ATP9B: variants seen among roughly 807,000 people sequenced by gnomAD.
ATP9B encodes the protein probable phospholipid-transporting ATPase IIB.
ATP9B carries 110 observed loss-of-function variants against 146.1 expected under a neutral mutation model. The observed-to-expected ratio is 0.75, with a 90% confidence interval of 0.65 to 0.88. ATP9B has a LOEUF of 0.88. ATP9B is among the 40% of genes least tolerant of loss of function. ATP9B has a pLI of 0.00. For synonymous variants in ATP9B, 604 were observed against 569.7 expected (o/e 1.06, Z -0.86); for missense variants, 1,499 against 1,496.4 (o/e 1.00, Z -0.03).
intron 11 of ATP9B, among the ~76,000 whole-genome samples, chr18:79,231,819 G>A (rs2095796495): frequency 8.3e-6 from 1 of 120,456 alleles, no homozygotes; most frequent in South Asian, 2.5e-4. Context: ...CACACACCAT[G>A]GAATACTGCT....
At chr18:79,184,722 A>G (rs1029563756) in intron 8 of ATP9B, among the ~76,000 whole-genome samples, 19 of 152,078 alleles carry the variant, frequency 1.2e-4, no homozygotes, top group Non-Finnish European at 2.2e-4. Context: ...TACATACTCA[A>G]GTAATCTCTG....
intron 26 of ATP9B, among the ~76,000 whole-genome samples, chr18:79,368,024 G>A (rs953798343): frequency 2.0e-5 from 3 of 152,176 alleles, no homozygotes; most frequent in Admixed American, 6.5e-5. Flanking sequence ...TCTCTGCCAC[G>A]GTGCGTGTCT....
At chr18:79,159,137 T>C (rs918493006) in intron 7 of ATP9B, among the ~76,000 whole-genome samples, 3 of 152,234 alleles carry the variant, frequency 2.0e-5, no homozygotes. Flanking sequence ...TTTGTGTCTT[T>C]GAACACGAAG....
chr18:79,355,864 C>T (rs963192376), intron 25 of ATP9B, among the ~76,000 whole-genome samples: 7 of 152,176 alleles, frequency 4.6e-5, no homozygotes, highest in Non-Finnish European at 1.0e-4. Flanking sequence ...CCATTGAAAG[C>T]AGCCAGTGAG....
At chr18:79,083,637 G>A (rs1250297513) in intron 1 of ATP9B, among the ~76,000 whole-genome samples, 1 of 152,094 alleles carries the variant, frequency 6.6e-6, no homozygotes, top group Non-Finnish European at 1.5e-5. Flanking sequence ...CAGTCCCTCA[G>A]TGCTTCCCTT....
intron 12 of ATP9B, among the ~76,000 whole-genome samples, chr18:79,265,979 A>G (rs891612773): frequency 1.3e-5 from 2 of 152,212 alleles, no homozygotes; most frequent in Non-Finnish European, 2.9e-5. Context: ...TCTCAGCACC[A>G]TTTATTGAAT....
chr18:79,329,667 T>G (rs935181002), intron 16 of ATP9B, among the ~76,000 whole-genome samples: 3 of 152,244 alleles, frequency 2.0e-5, no homozygotes, highest in Non-Finnish European at 2.9e-5. Flanking sequence ...ACCTTAATTT[T>G]TTTAGCAAAC....
intron 13 of ATP9B, among the ~76,000 whole-genome samples, chr18:79,282,231 G>A (rs958333762): frequency 1.3e-5 from 2 of 152,234 alleles, no homozygotes; most frequent in Non-Finnish European, 2.9e-5. Context: ...TTGTTGAAGT[G>A]ACAACCAAGG....
chr18:79,301,872 T>A (rs775005429), intron 13 of ATP9B, among the ~76,000 whole-genome samples: 4 of 152,212 alleles, frequency 2.6e-5, no homozygotes, highest in Admixed American at 6.5e-5. Flanking sequence ...AAACAATCTC[T>A]AAAATAGTAA....
chr18:79,107,939 A>G (rs532870331), intron 2 of ATP9B, among the ~76,000 whole-genome samples: 1 of 152,258 alleles, frequency 6.6e-6, no homozygotes, highest in East Asian at 1.9e-4. Flanking sequence ...TTTCTTGTCT[A>G]TGTGATGTGG....
chr18:79,265,149 A>G (rs57928979), intron 12 of ATP9B, among the ~76,000 whole-genome samples: 1,869 of 152,220 alleles, frequency 0.012, 40 homozygotes, highest in African/African-American at 0.042. Context: ...TTTAGCTCCC[A>G]GTTTTAAGTG....
intron 1 of ATP9B, among the ~76,000 whole-genome samples, chr18:79,075,869 G>T (rs2072548948): frequency 6.6e-6 from 1 of 152,012 alleles, no homozygotes; most frequent in South Asian, 2.1e-4. Flanking sequence ...TACGGATTAT[G>T]CTTCAACATT....
At chr18:79,297,961 G>A (rs2096564954) in intron 13 of ATP9B, among the ~76,000 whole-genome samples, 1 of 146,762 alleles carries the variant, frequency 6.8e-6, no homozygotes, top group South Asian at 2.2e-4. Context: ...AAGGATTAGA[G>A]GGGAACATCC....
chr18:79,185,182 A>G (rs2095295388), intron 8 of ATP9B, among the ~76,000 whole-genome samples: 1 of 152,180 alleles, frequency 6.6e-6, no homozygotes, highest in South Asian at 2.1e-4. Flanking sequence ...AGGCATACAC[A>G]TATATCAAAA....
chr18:79,289,444 G>A (rs545539831), intron 13 of ATP9B, among the ~76,000 whole-genome samples: 42 of 152,116 alleles, frequency 2.8e-4, no homozygotes, highest in African/African-American at 9.4e-4. Context: ...TGTAGTTCTC[G>A]AGACTTGGCT....
intron 7 of ATP9B, among the ~76,000 whole-genome samples, chr18:79,166,741 G>C (rs899501047): frequency 6.6e-6 from 1 of 152,128 alleles, no homozygotes; most frequent in African/African-American, 2.4e-5. Context: ...TGCTTTTCCA[G>C]CCACAAACCT....
intron 11 of ATP9B, among the ~76,000 whole-genome samples, chr18:79,234,577 CTTGCTGTGGGTG>C (rs1237994524): frequency 4.0e-5 from 6 of 151,620 alleles, no homozygotes; most frequent in African/African-American, 1.2e-4. Flanking sequence ...TGTGGGCTTG[CTTGCTGTGGGTG>C]TGCTTGCTGT....
chr18:79,200,189 T>C (rs1055226121), intron 9 of ATP9B, among the ~76,000 whole-genome samples: 3 of 152,220 alleles, frequency 2.0e-5, no homozygotes, highest in African/African-American at 7.2e-5. Context: ...TTCTGATGGC[T>C]GCAGCATGAC....
chr18:79,291,747 G>A (rs2096505265), intron 13 of ATP9B, among the ~76,000 whole-genome samples: 1 of 152,220 alleles, frequency 6.6e-6, no homozygotes, highest in Non-Finnish European at 1.5e-5. Flanking sequence ...TGATTGATTA[G>A]CAACGGAAAC....
Sources: allele counts gnomAD v4.1 joint callset (sites outside exome capture counted in the v4.1 genomes callset), GRCh38; gene constraint gnomAD v4.1.1; transcripts MANE v1.5; gene names NCBI Gene and HGNC (gene_info 2026-07-23, HGNC 2026-07-21).